Variants in TAFA1 observed in about 807,000 individuals in gnomAD.
TAFA1 encodes TAFA chemokine like family member 1.
Under a neutral mutation model 18.5 loss-of-function variants are expected in TAFA1, and 4 were observed. The observed-to-expected ratio is 0.22, with a 90% CI of 0.11 to 0.49. The LOEUF (loss-of-function observed/expected upper bound fraction) is 0.49, where lower values mean the gene tolerates loss of function less well. Among genes scored for constraint, TAFA1 ranks in the 20% least tolerant of loss-of-function variants. The probability of loss-of-function intolerance (pLI) is 0.98; values close to 1 mark genes in which losing one functional copy is unlikely to be tolerated. For synonymous variants in TAFA1, 56 were observed against 55.2 expected, an observed-to-expected ratio of 1.01 and a Z score of -0.06; for missense variants, 147 against 169.0, an observed-to-expected ratio of 0.87 and a Z score of 0.72.
At chr3:68,081,177 C>G (rs2064893934) in intron 2 of TAFA1, among the ~76,000 whole-genome samples, 1 of 152,168 alleles carries the variant, frequency 6.6e-6, no homozygotes, top group Non-Finnish European at 1.5e-5. Flanking sequence ...CTCCTTTAAG[C>G]ACTTCTTTGT....
At chr3:68,153,006 C>A (rs140237804) in intron 2 of TAFA1, among the ~76,000 whole-genome samples, 27 of 152,048 alleles carry the variant, frequency 1.8e-4, no homozygotes, top group African/African-American at 6.3e-4. Context: ...AGGCTTGGTC[C>A]CCAAAGGGAA....
chr3:68,102,894 G>A (rs905347820), intron 2 of TAFA1, among the ~76,000 whole-genome samples: 1 of 152,188 alleles, frequency 6.6e-6, no homozygotes, highest in Non-Finnish European at 1.5e-5. Context: ...CAAGGGCTGT[G>A]TCCATCCAGA....
chr3:68,140,398 A>G (rs1444621238), intron 2 of TAFA1, among the ~76,000 whole-genome samples: 1 of 152,218 alleles, frequency 6.6e-6, no homozygotes, highest in Non-Finnish European at 1.5e-5. Flanking sequence ...GGAAAGATTA[A>G]GCTACTGCAT....
chr3:68,425,103 G>T (rs191323926), intron 3 of TAFA1, among the ~76,000 whole-genome samples: 4 of 152,044 alleles, frequency 2.6e-5, no homozygotes, highest in Admixed American at 1.3e-4. Context: ...CTGCAGCTTG[G>T]AAATCATCTA....
intron 2 of TAFA1, among the ~76,000 whole-genome samples, chr3:68,163,360 C>T (rs2065947608): frequency 6.6e-6 from 1 of 152,160 alleles, no homozygotes; most frequent in Non-Finnish European, 1.5e-5. Context: ...CCAATACTTG[C>T]TGTCTCCATT....
chr3:68,489,405 A>T (rs1510359), intron 3 of TAFA1, among the ~76,000 whole-genome samples: 1 of 152,068 alleles, frequency 6.6e-6, no homozygotes, highest in Non-Finnish European at 1.5e-5. Context: ...TAAATGTTTA[A>T]AGCTAATTTA....
chr3:68,135,271 C>T (rs1238735840), intron 2 of TAFA1, among the ~76,000 whole-genome samples: 4 of 152,330 alleles, frequency 2.6e-5, no homozygotes, highest in African/African-American at 7.2e-5. Flanking sequence ...AAATCGATTT[C>T]AGGTAGTCAT....
upstream of TAFA1, among the ~76,000 whole-genome samples, chr3:68,001,203 G>T (rs1704279976): frequency 6.6e-6 from 1 of 152,154 alleles, no homozygotes; most frequent in South Asian, 2.1e-4. Context: ...AAAGAATAAA[G>T]AAATGAGAAG....
At chr3:68,181,622 A>T (rs2066202010) in intron 2 of TAFA1, among the ~76,000 whole-genome samples, 1 of 152,138 alleles carries the variant, frequency 6.6e-6, no homozygotes, top group Non-Finnish European at 1.5e-5. Context: ...TTCCCTTCAT[A>T]TGTGGTTCCA....
chr3:68,305,273 T>C (rs913983047), intron 2 of TAFA1, among the ~76,000 whole-genome samples: 5 of 151,336 alleles, frequency 3.3e-5, no homozygotes, highest in Non-Finnish European at 7.4e-5. Context: ...ACCAGTCATA[T>C]TGGATTACAG....
intron 2 of TAFA1, among the ~76,000 whole-genome samples, chr3:68,316,601 T>C (rs930803495): frequency 2.0e-5 from 3 of 152,128 alleles, no homozygotes; most frequent in Non-Finnish European, 4.4e-5. Flanking sequence ...AAAAACCTTT[T>C]AGTTTTTATG....
intron 3 of TAFA1, among the ~76,000 whole-genome samples, chr3:68,432,193 G>A (rs1013619834): frequency 4.6e-5 from 7 of 151,900 alleles, no homozygotes; most frequent in African/African-American, 1.7e-4. Context: ...GGGAGGTTGG[G>A]GAGAAGCTGG....
At chr3:68,217,360 G>A (rs72924513) in intron 2 of TAFA1, among the ~76,000 whole-genome samples, 12,294 of 151,740 alleles carry the variant, frequency 0.081, 728 homozygotes, top group African/African-American at 0.16. Context: ...TATAAATTGA[G>A]CAATGTTCTA....
At chr3:68,309,994 C>T (rs777642164) in intron 2 of TAFA1, among the ~76,000 whole-genome samples, 4 of 152,032 alleles carry the variant, frequency 2.6e-5, no homozygotes, top group Non-Finnish European at 4.4e-5. Context: ...AACCCTTTCT[C>T]GAGGAAATTT....
At chr3:68,109,211 A>T (rs190364563) in intron 2 of TAFA1, among the ~76,000 whole-genome samples, 25 of 152,256 alleles carry the variant, frequency 1.6e-4, no homozygotes, top group Admixed American at 4.6e-4. Flanking sequence ...TTGAGAAGGA[A>T]ATTGGGTTAT....
intron 2 of TAFA1, among the ~76,000 whole-genome samples, chr3:68,211,321 T>C (rs1222232677): frequency 1.3e-5 from 2 of 152,108 alleles, no homozygotes; most frequent in African/African-American, 4.8e-5. Context: ...GTGTATATTC[T>C]ATATGCTATT....
intron 2 of TAFA1, among the ~76,000 whole-genome samples, chr3:68,173,935 A>G (rs2066091385): frequency 6.6e-6 from 1 of 152,214 alleles, no homozygotes. Context: ...TTGCAAGAAA[A>G]TGCATATTTT....
chr3:68,108,637 C>T (rs886579103), intron 2 of TAFA1, among the ~76,000 whole-genome samples: 7 of 152,010 alleles, frequency 4.6e-5, no homozygotes, highest in African/African-American at 1.7e-4. Flanking sequence ...ATCTAGACAG[C>T]ATAAAGCTTG....
At chr3:68,452,604 G>T (rs1486898025) in intron 3 of TAFA1, among the ~76,000 whole-genome samples, 1 of 150,866 alleles carries the variant, frequency 6.6e-6, no homozygotes, top group Non-Finnish European at 1.5e-5. Flanking sequence ...CATGGAAAAT[G>T]CCCTATATTG....
Sources: allele counts gnomAD v4.1 joint callset (sites outside exome capture counted in the v4.1 genomes callset), GRCh38; gene constraint gnomAD v4.1.1; transcripts MANE v1.5; gene names NCBI Gene and HGNC (gene_info 2026-07-23, HGNC 2026-07-21).